Variants in CHRND observed in about 807,000 individuals in gnomAD.
The protein encoded by CHRND is acetylcholine receptor subunit delta.
Under a neutral mutation model 57.8 loss-of-function variants are expected in CHRND, and 40 were observed. That is an observed-to-expected ratio of 0.69 (90% CI 0.54 to 0.90). The LOEUF (loss-of-function observed/expected upper bound fraction) is 0.90. Ranked by LOEUF, CHRND falls within the 40% of genes least tolerant of loss-of-function variation. CHRND has a pLI of 0.00. For missense variants in CHRND, 634 were observed against 673.9 expected, an observed-to-expected ratio of 0.94 and a Z score of 0.66; for synonymous variants, 237 against 270.6, an observed-to-expected ratio of 0.88 and a Z score of 1.22.
intron 10 of CHRND, 32 bp from the exon 11 acceptor site, chr2:232,534,192 G>T (rs1559298586): frequency 6.2e-7 from 1 of 1,613,116 alleles, no homozygotes; most frequent in Non-Finnish European, 8.5e-7. Context: ...GTGGAGGCAG[G>T]CCTCACACCC....
intron 6 of CHRND, 100 bp from the exon 7 acceptor site, chr2:232,529,839 C>T (rs534463833): frequency 7.6e-7 from 1 of 1,322,496 alleles, no homozygotes. Context: ...ATCTGCGTCT[C>T]TGGACTGGCT....
chr2:232,531,946 C>CAAAAAAAAAAAAAAAAAAAAAAA (rs778006115), intron 9 of CHRND, among the ~76,000 whole-genome samples: 4 of 46,064 alleles, frequency 8.7e-5, no homozygotes, highest in African/African-American at 5.2e-4. Context: ...GACCTTGTCT[C>CAAAAAAAAAAAAAAAAAAAAAAA]AAAAAAAAAA....
Position 232,536,259 on chromosome 2 carries a change from C to T in CHRND, c.*947C>T, listed in dbSNP as rs913189596. The T allele has an allele frequency of 4.4e-6, 2 of 454,022 alleles. No individual in the cohort carries two copies. Among genetic ancestry groups the T allele is most frequent in the African/African-American group, 4.0e-5 (2 of 50,014 alleles). 28.1% of individuals were successfully genotyped at this position (454,022 alleles called of 1,614,324 possible). On this transcript the variant is annotated 3_prime_UTR_variant, in exon 12 of 12. Coordinates refer to ENST00000258385, the MANE Select transcript of CHRND (RefSeq NM_000751.3). ...TTCACACCCTTGTGCAGTCCCCTCACTCTGTACCAGGGTGGGTCTGGGTAA... is the reference window on the plus strand; with the variant it reads ...TTCACACCCTTGTGCAGTCCCCTCATTCTGTACCAGGGTGGGTCTGGGTAA...
intron 6 of CHRND, 102 bp downstream of exon 6, chr2:232,529,073 CTTAGGACACCAAT>C: frequency 1.3e-6 from 1 of 792,440 alleles, no homozygotes; most frequent in Non-Finnish European, 2.2e-6. Flanking sequence ...CACACACACA[CTTAGGACACCAAT>C]ACACAGCTCC....
chr2:232,530,346 A>T (rs1378220362), intron 7 of CHRND, among the ~76,000 whole-genome samples: 2 of 152,212 alleles, frequency 1.3e-5, no homozygotes, highest in Non-Finnish European at 2.9e-5. Flanking sequence ...TGGACAGGGC[A>T]GGGCATCTCC....
At position 232,535,982 on chromosome 2, in the gene CHRND, C is replaced by A. The variant is rs1261942800; in HGVS notation, c.*670C>A. The A allele has an allele frequency of 2.2e-6, 1 of 454,116 alleles. No homozygotes were observed. The highest frequency in any genetic ancestry group is 4.4e-6 in the Non-Finnish European group (1 of 226,800). 28.1% of individuals were successfully genotyped at this position (454,116 alleles called of 1,614,324 possible). A position where few individuals can be genotyped will look rare whatever the true frequency, so the allele number is the denominator to read the frequency against. On this transcript the variant is annotated 3_prime_UTR_variant, in exon 12 of 12. Transcript: ENST00000258385. ...GCACCTCTCCCCAAAGGGTCCCTGC[C>A]CCCCAGCACCTACTCCTCTCCAAAT...
At position 232,534,891 on chromosome 2, in the gene CHRND, T is replaced by C. The variant is rs114343981; in HGVS notation, c.1372-239T>C. ...CCTCTCTAGCCCCAGAGCCCTGTGC[T>C]ACAGCAGAGAGGGAGGCTATGGTCT... is the stretch of plus-strand genomic sequence containing the variant. On this transcript the variant is annotated intron_variant, in intron 11 of 11. Transcript: ENST00000258385. Among the ~76,000 whole-genome samples, 1,542 of 152,292 alleles carry C rather than the reference T, an allele frequency of 0.01. 35 individuals carry two copies. Among genetic ancestry groups the C allele is most frequent in the African/African-American group, 0.035 (1,460 of 41,562 alleles).
rs1318611651 is a variant in CHRND at position 232,534,114 on chromosome 2, G to A, written c.1231G>A (p.Ala411Thr). The A allele has an allele frequency of 6.2e-7, 1 of 1,614,098 alleles. No individual in the cohort carries two copies. The highest frequency in any genetic ancestry group is 8.5e-7 in the Non-Finnish European group (1 of 1,180,044). Reference sequence around the variant, plus strand: ...GAAGCAGTCAGAGCGGCATGGGCTGGCCAGGCGCCTCACCACTGCACGTGG... The same window carrying A: ...GAAGCAGTCAGAGCGGCATGGGCTGACCAGGCGCCTCACCACTGCACGTGG... ...FEKQSERHGLARRLTTARRPP... is the reference protein window; with the variant it reads ...FEKQSERHGLTRRLTTARRPP... Residue 411 changes from alanine to threonine, a missense_variant, in exon 10 of 12, where the codon GCC (alanine) becomes ACC (threonine). Physicochemically the swap from Ala to Thr is moderately conservative, Grantham distance 58 (BLOSUM62 0). Coordinates refer to ENST00000258385, the MANE Select transcript of CHRND (RefSeq NM_000751.3).
intron 9 of CHRND, among the ~76,000 whole-genome samples, chr2:232,533,273 G>A (rs1343221709): frequency 6.6e-6 from 1 of 152,206 alleles, no homozygotes; most frequent in East Asian, 1.9e-4. Context: ...ACCTGCCTCG[G>A]CTTCCCAAAG....
At chr2:232,532,462 C>T (rs1200628184) in intron 9 of CHRND, among the ~76,000 whole-genome samples, 3 of 123,586 alleles carry the variant, frequency 2.4e-5, no homozygotes, top group Admixed American at 1.1e-4. Context: ...GAGACAAGAG[C>T]GAAACTCTGT....
rs141627135 is a variant in CHRND, at chr2:232,530,124, T to C, written c.805T>C (p.Tyr269His). 54 of 1,614,054 alleles carry C rather than the reference T, an allele frequency of 3.3e-5. No homozygotes were observed. In the African/African-American group the frequency reaches 7.1e-4, roughly 21 times the overall value. Reference sequence around the variant, plus strand: ...CTCCTTCATGGTCAACCTGGTCTTCTACCTACCGGCTGACAGTGAGCCTCC... The same window carrying C: ...CTCCTTCATGGTCAACCTGGTCTTCCACCTACCGGCTGACAGTGAGCCTCC... ...LISFMVNLVFYLPADSGEKTS... is the reference protein window; with the variant it reads ...LISFMVNLVFHLPADSGEKTS... Residue 269 changes from tyrosine (Y) to histidine (H), a missense_variant, in exon 7 of 12, where the codon TAC becomes CAC. Tyr to His is a moderately conservative substitution (Grantham distance 83). Coordinates refer to ENST00000258385, the MANE Select transcript of CHRND (RefSeq NM_000751.3).
chr2:232,530,548 C>A (rs1691650897), intron 7 of CHRND, among the ~76,000 whole-genome samples: 1 of 152,188 alleles, frequency 6.6e-6, no homozygotes, highest in South Asian at 2.1e-4. Flanking sequence ...CCCATCTATG[C>A]TCACCTGACT....
chr2:232,528,243 C>A lies in CHRND; in HGVS notation c.244-19C>A. On this transcript the variant is annotated intron_variant, in intron 3 of 11. Transcript: ENST00000258385. ...GGATGGCTGCAGAGTGCACTGGTGACATGCCTTTGGGATTCCAGGGCTGGA... is the reference window on the plus strand; with the variant it reads ...GGATGGCTGCAGAGTGCACTGGTGAAATGCCTTTGGGATTCCAGGGCTGGA... 6.2e-7 allele frequency: 1 copy of A among 1,612,152 alleles called. No homozygotes were observed. Among genetic ancestry groups the A allele is most frequent in the Admixed American group, 1.7e-5 (1 of 60,014 alleles).
intron 1 of CHRND, 48 bp downstream of exon 1, chr2:232,526,315 C>G: frequency 1.9e-6 from 3 of 1,588,930 alleles, no homozygotes; most frequent in Non-Finnish European, 2.6e-6. Flanking sequence ...TGATGCTTAC[C>G]CAGGCCCCAC....
chr2:232,526,399 C>T (rs1398432128), intron 1 of CHRND, 130 bp from the exon 2 acceptor site: 1 of 1,535,158 alleles, frequency 6.5e-7, no homozygotes, highest in Admixed American at 1.8e-5. Flanking sequence ...CTGGGGTCCC[C>T]ACTCCCAGGG....
At chr2:232,527,561 G>C in intron 3 of CHRND, 116 bp downstream of exon 3, 1 of 804,570 alleles carries the variant, frequency 1.2e-6, no homozygotes, top group Non-Finnish European at 2.2e-6. Context: ...TGGCTGACAC[G>C]GTGAAACCCC....
chr2:232,527,813 T>C (rs553561007), intron 3 of CHRND, among the ~76,000 whole-genome samples: 60 of 152,266 alleles, frequency 3.9e-4, no homozygotes, highest in African/African-American at 1.4e-3. Context: ...AGATTGCTTC[T>C]GCATGGAGAT....
In CHRND at chr2:232,535,948, C is replaced by T. The variant is rs1691877771; in HGVS notation, c.*636C>T. 1 of 454,006 alleles carries T rather than the reference C, an allele frequency of 2.2e-6. No individual in the cohort carries two copies. The highest frequency in any genetic ancestry group is 2.0e-5 in the African/African-American group (1 of 49,998). 28.1% of individuals were successfully genotyped at this position (454,006 alleles called of 1,614,324 possible). A position where few individuals can be genotyped will look rare whatever the true frequency, so the allele number is the denominator to read the frequency against. On this transcript the variant is annotated 3_prime_UTR_variant, in exon 12 of 12. Transcript: ENST00000258385. Reference sequence around the variant, plus strand: ...GGTTGCACACACAATCCTAGAGGACCAGAACGCAGCACCTCTCCCCAAAGG... The same window carrying T: ...GGTTGCACACACAATCCTAGAGGACTAGAACGCAGCACCTCTCCCCAAAGG...
chr2:232,533,926 C>T lies in CHRND; in HGVS notation c.1048-5C>T. ...CTTTCTTGTGGCCCCTTGACATGGC[C>T]CCAGCTCTTCCTGGAGACCCTGCCG... On this transcript the variant is annotated splice_polypyrimidine_tract_variant and splice_region_variant and intron_variant, in intron 9 of 11. Coordinates refer to ENST00000258385, the MANE Select transcript of CHRND (RefSeq NM_000751.3). 6.2e-7 allele frequency: 1 copy of T among 1,612,056 alleles called. No individual in the cohort carries two copies.
Sources: gnomAD v4.1 joint callset for allele counts (sites outside exome capture counted in the v4.1 genomes callset) on GRCh38, gnomAD v4.1.1 for gene constraint, MANE v1.5 for transcripts, NCBI Gene and HGNC (gene_info 2026-07-23, HGNC 2026-07-21) for gene names.